The following MTUS2 variants were observed in gnomAD, a reference collection of about 807,000 sequenced individuals.
MTUS2 encodes the protein microtubule associated scaffold protein 2.
In MTUS2, 40 loss-of-function variants were observed where a neutral mutation model predicts 114.1. The ratio of observed to expected loss-of-function variants is 0.35; its 90% CI spans 0.27 to 0.46. The LOEUF (loss-of-function observed/expected upper bound fraction) is 0.46. Ranked by LOEUF, MTUS2 falls within the 20% of genes least tolerant of loss-of-function variation. MTUS2 has a pLI of 1.00. For missense variants in MTUS2, 1,679 were observed against 1,705.4 expected, an observed-to-expected ratio of 0.98 and a Z score of 0.27; for synonymous variants, 688 against 672.0, an observed-to-expected ratio of 1.02 and a Z score of -0.37.
At chr13:29,444,216 G>C (rs541201042) in intron 9 of MTUS2, among the ~76,000 whole-genome samples, 2 of 152,280 alleles carry the variant, frequency 1.3e-5, no homozygotes, top group Admixed American at 1.3e-4. Flanking sequence ...CTGAGGTCAG[G>C]AGTTGGAGAC....
In MTUS2 at chr13:29,383,231, T is replaced by C. The variant is rs1452166470; in HGVS notation, c.3117+23758T>C. Among the ~76,000 whole-genome samples the C allele has an allele frequency of 8.3e-5, 9 of 108,616 alleles. No homozygotes were observed. The East Asian group carries it at 2.2e-3, about 27-fold the overall frequency. The allele number at this position is 108,616 out of a possible 152,430, so 71.3% of individuals were successfully genotyped here. On this transcript the variant is annotated intron_variant, in intron 8 of 15. Transcript: ENST00000612955. ...TAGGAAAATTGAGTGTGTGTGTGTG[T>C]GTGTGTGTGTGTGTGTGTGTGTATT...
chr13:28,980,472 C>T (rs1884310253), intron 2 of MTUS2, among the ~76,000 whole-genome samples: 1 of 152,140 alleles, frequency 6.6e-6, no homozygotes, highest in East Asian at 1.9e-4. Context: ...ATATGTTGTG[C>T]TTCTCCCTAC....
chr13:29,437,144 G>C (rs1877474890), intron 8 of MTUS2, among the ~76,000 whole-genome samples: 1 of 152,196 alleles, frequency 6.6e-6, no homozygotes, highest in Non-Finnish European at 1.5e-5. Context: ...CCATGACAGG[G>C]AGCTGGGGGA....
At chr13:28,916,054 A>C (rs1187422701) in intron 2 of MTUS2, among the ~76,000 whole-genome samples, 4 of 151,752 alleles carry the variant, frequency 2.6e-5, no homozygotes, top group Non-Finnish European at 4.4e-5. Context: ...TTGAAAAAAA[A>C]CTTTTTTCCC....
chr13:29,106,749 T>C (rs1002977361), intron 5 of MTUS2, among the ~76,000 whole-genome samples: 2 of 152,110 alleles, frequency 1.3e-5, no homozygotes, highest in Non-Finnish European at 2.9e-5. Flanking sequence ...TTCTTCTCTC[T>C]CCTCATCTCT....
intron 2 of MTUS2, among the ~76,000 whole-genome samples, chr13:28,933,297 C>G (rs1277711035): frequency 1.3e-5 from 2 of 152,114 alleles, no homozygotes; most frequent in African/African-American, 4.8e-5. Flanking sequence ...AATCTTCAGT[C>G]TACAGTCTGC....
intron 2 of MTUS2, among the ~76,000 whole-genome samples, chr13:28,997,224 C>T (rs1337621193): frequency 6.6e-6 from 1 of 152,110 alleles, no homozygotes; most frequent in Non-Finnish European, 1.5e-5. Context: ...TTTCTTAATC[C>T]TGAGTTCTAG....
chr13:29,181,900 T>C (rs1405459293), intron 5 of MTUS2, among the ~76,000 whole-genome samples: 2 of 152,040 alleles, frequency 1.3e-5, no homozygotes, highest in Non-Finnish European at 2.9e-5. Context: ...ACAGATACTC[T>C]TCTGGTATGG....
intron 13 of MTUS2, chr13:29,497,742 G>A: frequency 5.2e-6 from 1 of 192,434 alleles, no homozygotes; most frequent in Non-Finnish European, 1.1e-5. Flanking sequence ...CAGAAAAGCT[G>A]GCAAAACTCC....
chr13:29,010,782 A>G (rs1324889399), intron 2 of MTUS2, among the ~76,000 whole-genome samples: 1 of 152,160 alleles, frequency 6.6e-6, no homozygotes, highest in Non-Finnish European at 1.5e-5. Context: ...CACTTTAGTT[A>G]GAAAGACCAC....
At chr13:29,244,981 A>G (rs1344707797) in intron 5 of MTUS2, among the ~76,000 whole-genome samples, 1 of 144,908 alleles carries the variant, frequency 6.9e-6, no homozygotes, top group African/African-American at 2.5e-5. Context: ...AAAAAAAAAA[A>G]GTAAAAGTCT....
chr13:29,088,828 C>T (rs1277741233), intron 4 of MTUS2, among the ~76,000 whole-genome samples: 1 of 152,142 alleles, frequency 6.6e-6, no homozygotes, highest in Non-Finnish European at 1.5e-5. Context: ...ACATTTTTCT[C>T]CATCTCCTTA....
Position 29,235,704 on chromosome 13 carries a change from C to A in MTUS2, c.2645-46000C>A, listed in dbSNP as rs185508512. On this transcript the variant is annotated intron_variant, in intron 5 of 15. Transcript: ENST00000612955. ...ATTTAAACCAATAATTAACAGACTT[C>A]TATGATTTTTATCCTTGACTCATTG... Among the ~76,000 whole-genome samples, 180 of 152,114 alleles carry A rather than the reference C, an allele frequency of 1.2e-3. 1 individual carries two copies. Among genetic ancestry groups the A allele is most frequent in the African/African-American group, 4.0e-3 (165 of 41,510 alleles).
At chr13:29,294,997 G>A (rs112184163) in intron 6 of MTUS2, among the ~76,000 whole-genome samples, 4,568 of 152,252 alleles carry the variant, frequency 0.03, 91 homozygotes, top group Non-Finnish European at 0.049. Context: ...AGCCTGCTTA[G>A]TTATTCCTTT....
At chr13:29,225,731 C>G (rs1441813148) in intron 5 of MTUS2, among the ~76,000 whole-genome samples, 2 of 152,000 alleles carry the variant, frequency 1.3e-5, no homozygotes, top group African/African-American at 4.8e-5. Flanking sequence ...TTTTGCTGAT[C>G]ATAAATTATC....
intron 7 of MTUS2, among the ~76,000 whole-genome samples, chr13:29,343,666 TTTG>T (rs1338686720): frequency 6.7e-6 from 1 of 150,334 alleles, no homozygotes; most frequent in Non-Finnish European, 1.5e-5. Context: ...TGCTCTGATC[TTTG>T]TTATTTCTTC....
chr13:29,465,075 A>G (rs1158902415), intron 9 of MTUS2, among the ~76,000 whole-genome samples: 1 of 152,074 alleles, frequency 6.6e-6, no homozygotes, highest in African/African-American at 2.4e-5. Context: ...ACTTCACAGA[A>G]CTTTTGTGAC....
At chr13:28,924,610 C>G (rs1192960902) in intron 2 of MTUS2, among the ~76,000 whole-genome samples, 1 of 152,176 alleles carries the variant, frequency 6.6e-6, no homozygotes, top group Admixed American at 6.5e-5. Flanking sequence ...TGCTGCCCCT[C>G]TGTGTGGATG....
At chr13:29,307,701 C>A in intron 6 of MTUS2, 1 of 1,131,078 alleles carries the variant, frequency 8.8e-7, no homozygotes, top group Non-Finnish European at 1.3e-6. Context: ...ACCACTTTTT[C>A]AAGCTCATTT....
Sources: gnomAD v4.1 joint callset for allele counts (sites outside exome capture counted in the v4.1 genomes callset) on GRCh38, gnomAD v4.1.1 for gene constraint, MANE v1.5 for transcripts, NCBI Gene and HGNC (gene_info 2026-07-23, HGNC 2026-07-21) for gene names.